KCNMA1: variants seen among roughly 807,000 people sequenced by gnomAD.
KCNMA1 encodes Calcium-activated potassium channel subunit alpha-1.
Under a neutral mutation model 140.0 loss-of-function variants are expected in KCNMA1, and 29 were observed. The observed-to-expected ratio is 0.21, with a 90% CI of 0.15 to 0.28. The LOEUF is 0.28. Among genes scored for constraint, KCNMA1 ranks in the 10% least tolerant of loss-of-function variants. KCNMA1 has a pLI of 1.00. For missense variants in KCNMA1, 880 were observed against 1,602.2 expected, an observed-to-expected ratio of 0.55 and a Z score of 7.70; for synonymous variants, 612 against 611.9, an observed-to-expected ratio of 1.00 and a Z score of 0.00.
At chr10:77,535,104 A>G (rs1836465385) in intron 1 of KCNMA1, among the ~76,000 whole-genome samples, 1 of 152,334 alleles carries the variant, frequency 6.6e-6, no homozygotes, top group South Asian at 2.1e-4. Context: ...TGGCGCATGA[A>G]TTATAATTTC....
intron 12 of KCNMA1, chr10:77,079,784 A>G: frequency 1.7e-6 from 1 of 571,580 alleles, no homozygotes; most frequent in Non-Finnish European, 3.1e-6. Flanking sequence ...TCAGTTTACC[A>G]TTGCCATGGC....
intron 1 of KCNMA1, among the ~76,000 whole-genome samples, chr10:77,454,655 A>G (rs106242): frequency 0.45 from 68,679 of 152,068 alleles, 16,295 homozygotes; most frequent in Non-Finnish European, 0.52. Context: ...ACGATACACG[A>G]ACATGCTCTC....
intron 1 of KCNMA1, among the ~76,000 whole-genome samples, chr10:77,506,635 G>A (rs2046085360): frequency 7.0e-6 from 1 of 142,996 alleles, no homozygotes; most frequent in Admixed American, 6.9e-5. Context: ...GAGGGAGAGA[G>A]ACAGAGAGGG....
intron 5 of KCNMA1, among the ~76,000 whole-genome samples, chr10:77,134,997 C>CAAGAAAAAAAAA (rs2097962750): frequency 8.5e-5 from 1 of 11,768 alleles, no homozygotes; most frequent in Non-Finnish European, 1.8e-4. Context: ...GACTCTGTCT[C>CAAGAAAAAAAAA]AAAAAAAAAA....
intron 23 of KCNMA1, among the ~76,000 whole-genome samples, chr10:76,917,498 T>C (rs1247571780): frequency 1.3e-5 from 2 of 152,240 alleles, no homozygotes; most frequent in African/African-American, 4.8e-5. Flanking sequence ...GAAACCTTCA[T>C]TTGGAAATGA....
intron 5 of KCNMA1, among the ~76,000 whole-genome samples, chr10:77,128,491 A>C (rs927457530): frequency 2.7e-5 from 4 of 150,590 alleles, no homozygotes; most frequent in African/African-American, 9.8e-5. Flanking sequence ...CACCTGGGAA[A>C]CTTTTAGAAT....
chr10:77,322,314 T>C (rs776899652), intron 2 of KCNMA1, among the ~76,000 whole-genome samples: 65 of 152,206 alleles, frequency 4.3e-4, no homozygotes, highest in Admixed American at 2.6e-3. Context: ...GGTTATCTCA[T>C]AGTGATGTTA....
rs188978669 is a variant in KCNMA1, at chr10:77,337,396, G to A, written c.540+66466C>T. 9.2e-5 allele frequency among the ~76,000 whole-genome samples: 14 copies of A among 152,264 alleles called. No individual in the cohort carries two copies. In the East Asian group the frequency reaches 9.7e-4, roughly 11 times the overall value. ...GCCCAATGCCAAGGCTAAGGCAGGC[G>A]GGTCATTTGAGGTCGAGTTCCAGAC... On this transcript the variant is annotated intron_variant, in intron 2 of 27. Coordinates refer to ENST00000286628, the MANE Select transcript of KCNMA1 (RefSeq NM_001161352.2).
intron 23 of KCNMA1, among the ~76,000 whole-genome samples, chr10:76,937,040 C>T (rs1340113681): frequency 6.6e-6 from 1 of 152,116 alleles, no homozygotes; most frequent in Non-Finnish European, 1.5e-5. Flanking sequence ...TATAAAGGAC[C>T]ACAGAACTCA....
Position 77,183,647 on chromosome 10 carries a change from C to T in KCNMA1, c.697-115G>A, listed in dbSNP as rs559654948. 553 of 741,572 alleles carry T rather than the reference C, an allele frequency of 7.5e-4. 2 individuals carry two copies. The highest frequency in any genetic ancestry group is 6.1e-3 in the South Asian group (406 of 66,230). The allele number at this position is 741,572 out of a possible 1,614,324, so 45.9% of individuals were successfully genotyped here. On this transcript the variant is annotated intron_variant, in intron 4 of 27. Transcript: ENST00000286628. ...TGAGTTTTCATAGGGCCACCACGCC[C>T]GGCTAATTTTTGTATTTTTAGTAAA...
chr10:77,370,547 C>T (rs979719079), intron 2 of KCNMA1, among the ~76,000 whole-genome samples: 1 of 152,144 alleles, frequency 6.6e-6, no homozygotes, highest in Non-Finnish European at 1.5e-5. Context: ...CATCCAAAGA[C>T]CTTTAGAATA....
chr10:77,423,200 T>C (rs2096904529), intron 1 of KCNMA1, among the ~76,000 whole-genome samples: 1 of 152,222 alleles, frequency 6.6e-6, no homozygotes, highest in African/African-American at 2.4e-5. Context: ...AAAAAGCATG[T>C]GATTATTTTT....
intron 2 of KCNMA1, among the ~76,000 whole-genome samples, chr10:77,385,001 T>C (rs1272121573): frequency 6.6e-6 from 1 of 152,202 alleles, no homozygotes; most frequent in African/African-American, 2.4e-5. Flanking sequence ...TTAAAGATTC[T>C]CTGAGCCTTG....
chr10:77,526,773 C>G (rs1333425432), intron 1 of KCNMA1, among the ~76,000 whole-genome samples: 1 of 152,154 alleles, frequency 6.6e-6, no homozygotes, highest in African/African-American at 2.4e-5. Flanking sequence ...TCTGCCTACT[C>G]GCTGAGATAG....
chr10:77,011,405 T>C (rs1472584079), intron 18 of KCNMA1, among the ~76,000 whole-genome samples: 1 of 152,156 alleles, frequency 6.6e-6, no homozygotes, highest in Non-Finnish European at 1.5e-5. Context: ...GAGGTCGACC[T>C]TTGGACGATG....
At chr10:77,060,671 T>G (rs1321450973) in intron 14 of KCNMA1, among the ~76,000 whole-genome samples, 1 of 152,146 alleles carries the variant, frequency 6.6e-6, no homozygotes, top group African/African-American at 2.4e-5. Context: ...GGGAATGAGG[T>G]GAATGTATTT....
rs565638766 is a variant in KCNMA1 at position 77,608,610 on chromosome 10, G to A, written c.378+28655C>T. Among the ~76,000 whole-genome samples, 8 of 152,200 alleles carry A rather than the reference G, an allele frequency of 5.3e-5. No homozygotes were observed. In the South Asian group the frequency reaches 1.7e-3, roughly 32 times the overall value. On this transcript the variant is annotated intron_variant, in intron 1 of 27. Coordinates refer to ENST00000286628, the MANE Select transcript of KCNMA1 (RefSeq NM_001161352.2). ...AAGTGTGCATATACGTGTGTAAGAG[G>A]GGATTATCTGTTCAATCTAGTCACT...
At chr10:77,201,544 T>G (rs753759530) in intron 3 of KCNMA1, among the ~76,000 whole-genome samples, 2 of 152,188 alleles carry the variant, frequency 1.3e-5, no homozygotes, top group Admixed American at 6.5e-5. Context: ...CAGGAAGGCA[T>G]GCTGGGGAAG....
At chr10:77,328,020 A>G (rs932018821) in intron 2 of KCNMA1, among the ~76,000 whole-genome samples, 3 of 152,208 alleles carry the variant, frequency 2.0e-5, no homozygotes, top group Admixed American at 6.5e-5. Context: ...GGGAGTGCAC[A>G]CAACGTGACC....
Sources: allele counts gnomAD v4.1 joint callset (sites outside exome capture counted in the v4.1 genomes callset), GRCh38; gene constraint gnomAD v4.1.1; transcripts MANE v1.5; gene names NCBI Gene and HGNC (gene_info 2026-07-23, HGNC 2026-07-21).